KIFC2: variants seen among roughly 807,000 people sequenced by gnomAD.
KIFC2 encodes kinesin family member C2, also known as kinesin-like protein KIFC2.
KIFC2 carries 94 observed loss-of-function variants against 91.5 expected under a neutral mutation model. The ratio of observed to expected loss-of-function variants is 1.03; its 90% CI spans 0.87 to 1.22. KIFC2 has a LOEUF of 1.22. Ranked by LOEUF, KIFC2 falls within the 50% of genes most tolerant of loss-of-function variation. The pLI, the probability that KIFC2 is intolerant of heterozygous loss-of-function variation, is 0.00. For missense variants in KIFC2, 1,357 were observed against 1,103.3 expected, an observed-to-expected ratio of 1.23 and a Z score of -3.26; for synonymous variants, 729 against 503.9, an observed-to-expected ratio of 1.45 and a Z score of -5.98.
At chr8:144,466,625 TGCCGAGGAC>T in intron 1 of KIFC2, 107 bp downstream of exon 1, 1 of 855,612 alleles carries the variant, frequency 1.2e-6, no homozygotes, top group African/African-American at 1.8e-5. Flanking sequence ...GACGGGGCCG[TGCCGAGGAC>T]CCTCGGCTCG....
In KIFC2 at chr8:144,472,342, C is replaced by A; in HGVS notation, c.1608-19C>A. 6.2e-7 allele frequency: 1 copy of A among 1,613,516 alleles called. No homozygotes were observed. The highest frequency in any genetic ancestry group is 8.5e-7 in the Non-Finnish European group (1 of 1,180,002). On this transcript the variant is annotated intron_variant, in intron 14 of 17. Coordinates refer to ENST00000645548, the MANE Select transcript of KIFC2 (RefSeq NM_001369769.2). ...TTTCCAGAGAATTCTGGAACCAAGA[C>A]CTTCCCCTTTCTCACCAGGGACCTC...
At chr8:144,471,043 A>G (rs1399696401) in intron 12 of KIFC2, among the ~76,000 whole-genome samples, 1 of 150,260 alleles carries the variant, frequency 6.7e-6, no homozygotes, top group Non-Finnish European at 1.5e-5. Flanking sequence ...GGCTCACTGC[A>G]ACCTCCGCCT....
In KIFC2 at chr8:144,467,659, C is replaced by T. The variant is rs200198963; in HGVS notation, c.615+29C>T. 84 of 1,604,476 alleles carry T rather than the reference C, an allele frequency of 5.2e-5. No individual in the cohort carries two copies. The East Asian group carries it at 1.7e-3, about 32-fold the overall frequency. On this transcript the variant is annotated intron_variant, in intron 5 of 17. Coordinates refer to ENST00000645548, the MANE Select transcript of KIFC2 (RefSeq NM_001369769.2). Reference sequence around the variant, plus strand: ...AGGTCCCTGGAGCCAGAAGGGATTGCCGGCTGGGACGCCAGAAAAAGGAGG... The same window carrying T: ...AGGTCCCTGGAGCCAGAAGGGATTGTCGGCTGGGACGCCAGAAAAAGGAGG...
At chr8:144,470,562 G>A (rs1055081289) in intron 12 of KIFC2, 7 of 152,280 alleles carry the variant, frequency 4.6e-5, no homozygotes, top group Admixed American at 3.9e-4. Flanking sequence ...CTAGATTCTA[G>A]CCTTGTGGCT....
In KIFC2 at chr8:144,467,320, G is replaced by A; in HGVS notation, c.448G>A (p.Val150Ile). 4 of 1,610,230 alleles carry A rather than the reference G, an allele frequency of 2.5e-6. No individual in the cohort carries two copies. The highest frequency in any genetic ancestry group is 1.1e-5 in the South Asian group (1 of 90,698). The change falls in exon 4 of 18, where the codon GTC (valine) becomes ATC (isoleucine). Residue 150 changes from valine to isoleucine, a missense_variant. Physicochemically the swap from Val to Ile is conservative, Grantham distance 29. Transcript: ENST00000645548. ...LLQGTQPAPR[V>I]RPPSPDGSTS... Reference sequence around the variant, plus strand: ...CCAGGGGACTCAGCCAGCCCCTCGGGTCCGGCCCCCCTCTCCAGATGGTGA... The same window carrying A: ...CCAGGGGACTCAGCCAGCCCCTCGGATCCGGCCCCCCTCTCCAGATGGTGA...
Position 144,472,200 on chromosome 8 carries a change from G to T in KIFC2, c.1548G>T (p.Gly516=). ...TGCAGTCGCTGTTCCGGGAGATGGGGGCCGGCCGGCAGCACCGGGTGACAC... is the reference window on the plus strand; with the variant it reads ...TGCAGTCGCTGTTCCGGGAGATGGGTGCCGGCCGGCAGCACCGGGTGACAC... ...RALQSLFREM[G]AGRQHRVTLS... The change falls in exon 14 of 18, where the codon GGG becomes GGT. Residue 516 remains glycine, a synonymous_variant. Coordinates refer to ENST00000645548, the MANE Select transcript of KIFC2 (RefSeq NM_001369769.2). 6.2e-7 allele frequency: 1 copy of T among 1,613,348 alleles called. No individual in the cohort carries two copies. The highest frequency in any genetic ancestry group is 1.3e-5 in the African/African-American group (1 of 75,030).
Position 144,469,583 on chromosome 8 carries a change from A to G in KIFC2, c.1316A>G (p.Tyr439Cys), listed in dbSNP as rs1824845885. Reference sequence around the variant, plus strand: ...CCAGGGGGCACCGTCACCACCTGCTACCGGGGGCGCCATCGTCGATTCCGC... The same window carrying G: ...CCAGGGGGCACCGTCACCACCTGCTGCCGGGGGCGCCATCGTCGATTCCGC... ...PGPGGTVTTC[Y>C]RGRHRRFRLD... is the part of the protein sequence containing the mutation. Residue 439 changes from tyrosine to cysteine, a missense_variant, in exon 12 of 18, where the codon TAC (tyrosine) becomes TGC (cysteine). Transcript: ENST00000645548. 6.2e-7 allele frequency: 1 copy of G among 1,613,092 alleles called. No homozygotes were observed. Among genetic ancestry groups the G allele is most frequent in the South Asian group, 1.1e-5 (1 of 91,062 alleles).
chr8:144,471,828 C>T, intron 12 of KIFC2, 114 bp from the exon 13 acceptor site: 1 of 878,046 alleles, frequency 1.1e-6, no homozygotes, highest in East Asian at 2.5e-5. Flanking sequence ...AGCCATCCTC[C>T]CAGGAGACTA....
Position 144,466,433 on chromosome 8 carries a change from A to T in KIFC2, c.14A>T (p.Tyr5Phe). ...CCCCGCGCTCCCATGTACGCCTTTT[A>T]CTCGTTGCTCATCTACATCTTCTAC... is the stretch of plus-strand genomic sequence containing the variant. MYAF[Y>F]SLLIYIFYSL... is the part of the protein sequence containing the mutation. Residue 5 changes from tyrosine (Y) to phenylalanine (F), a missense_variant, in exon 1 of 18, where the codon TAC (tyrosine) becomes TTC (phenylalanine). Coordinates refer to ENST00000645548, the MANE Select transcript of KIFC2 (RefSeq NM_001369769.2). 1 of 1,348,036 alleles carries T rather than the reference A, an allele frequency of 7.4e-7. No individual in the cohort carries two copies. Among genetic ancestry groups the T allele is most frequent in the South Asian group, 1.6e-5 (1 of 60,666 alleles). The allele number at this position is 1,348,036 out of a possible 1,614,324, so 83.5% of individuals were successfully genotyped here.
intron 5 of KIFC2, 24 bp from the exon 6 acceptor site, chr8:144,467,690 C>T (rs747130102): frequency 2.5e-6 from 4 of 1,612,852 alleles, no homozygotes; most frequent in East Asian, 4.5e-5. Flanking sequence ...GGAGGTCCAC[C>T]CTGTCTCTCT....
rs374282669 is a variant in KIFC2, at chr8:144,467,954, C to T, written c.777C>T (p.His259=). 1.3e-5 allele frequency: 21 copies of T among 1,594,144 alleles called. No individual in the cohort carries two copies. In the African/African-American group the frequency reaches 1.8e-4, roughly 13 times the overall value. The change falls in exon 7 of 18, where the codon CAC becomes CAT. Residue 259 remains histidine (H), a synonymous_variant. Coordinates refer to ENST00000645548, the MANE Select transcript of KIFC2 (RefSeq NM_001369769.2). ...SLSLMRDLLL[H]WGPGPPIRAP... ...GTCTCATGCGGGACCTCCTGCTGCA[C>T]TGGGGCCCCGGGCCCCCCATCAGGG...
rs1455965325 is a variant in KIFC2, at chr8:144,467,638, C to T, written c.615+8C>T. ...CAGCTCATCCTGGGACAGGTGAGGT[C>T]CCTGGAGCCAGAAGGGATTGCCGGC... On this transcript the variant is annotated splice_region_variant and intron_variant, in intron 5 of 17. Transcript: ENST00000645548. 36 of 1,600,470 alleles carry T rather than the reference C, an allele frequency of 2.2e-5. No individual in the cohort carries two copies. The highest frequency in any genetic ancestry group is 2.7e-5 in the Non-Finnish European group (32 of 1,172,462).
chr8:144,468,436 CAG>C (rs745740573), intron 8 of KIFC2, 30 bp downstream of exon 8: 11 of 1,530,312 alleles, frequency 7.2e-6, no homozygotes, highest in Admixed American at 3.7e-5. Flanking sequence ...ATCCATGGCT[CAG>C]GGGTGAGGCG....
intron 12 of KIFC2, among the ~76,000 whole-genome samples, chr8:144,471,338 G>A (rs1285417973): frequency 1.4e-5 from 2 of 144,628 alleles, no homozygotes; most frequent in Admixed American, 7.1e-5. Flanking sequence ...TTTTTGGACA[G>A]TCACACTTTG....
At chr8:144,471,820 C>G (rs1350302462) in intron 12 of KIFC2, 122 bp from the exon 13 acceptor site, 1 of 813,354 alleles carries the variant, frequency 1.2e-6, no homozygotes, top group Non-Finnish European at 2.1e-6. Flanking sequence ...TCCCTTAGAG[C>G]CATCCTCCCA....
intron 7 of KIFC2, 121 bp from the exon 8 acceptor site, chr8:144,468,208 G>T (rs1246468949): frequency 9.4e-7 from 1 of 1,067,440 alleles, no homozygotes; most frequent in African/African-American, 1.6e-5. Context: ...GGTCTGCGTG[G>T]AGCTGGGAGG....
chr8:144,469,566 C>T lies in KIFC2; in HGVS notation c.1299C>T (p.Gly433=), dbSNP rs144282792. The T allele has an allele frequency of 1.6e-3, 2,530 of 1,613,380 alleles. 2 individuals carry two copies. The highest frequency in any genetic ancestry group is 2.0e-3 in the Non-Finnish European group (2,330 of 1,179,888). The change falls in exon 12 of 18, where the codon GGC becomes GGT. Residue 433 remains glycine (G), a synonymous_variant. Coordinates refer to ENST00000645548, the MANE Select transcript of KIFC2 (RefSeq NM_001369769.2). ...SLVSVEPGPG[G]TVTTCYRGRH... ...TGAGTGTGGAGCCTGGCCCAGGGGG[C>T]ACCGTCACCACCTGCTACCGGGGGC...
At chr8:144,472,542 C>T in intron 15 of KIFC2, 35 bp from the exon 16 acceptor site, 1 of 1,612,066 alleles carries the variant, frequency 6.2e-7, no homozygotes, top group Non-Finnish European at 8.5e-7. Context: ...GGGCGGGGAC[C>T]CTGCACCTGA....
chr8:144,474,036 C>G lies in KIFC2; in HGVS notation c.*647C>G. ...TGCCGCTGAGTGTAGGAAAAACAGG[C>G]ATGACAGACCAGGGTGAGGGTTGTG... On this transcript the variant is annotated 3_prime_UTR_variant, in exon 18 of 18. Coordinates refer to ENST00000645548, the MANE Select transcript of KIFC2 (RefSeq NM_001369769.2). 1 of 587,138 alleles carries G rather than the reference C, an allele frequency of 1.7e-6. No individual in the cohort carries two copies. The highest frequency in any genetic ancestry group is 2.2e-5 in the South Asian group (1 of 45,152). The allele number at this position is 587,138 out of a possible 1,614,324, so 36.4% of individuals were successfully genotyped here. A position where few individuals can be genotyped will look rare whatever the true frequency, so the allele number is the denominator to read the frequency against.
Sources: allele counts gnomAD v4.1 joint callset (sites outside exome capture counted in the v4.1 genomes callset), GRCh38; gene constraint gnomAD v4.1.1; transcripts MANE v1.5; gene names NCBI Gene and HGNC (gene_info 2026-07-23, HGNC 2026-07-21).